The following CPVL variants were observed in gnomAD, a reference collection of about 807,000 sequenced individuals.
The protein encoded by CPVL is carboxypeptidase vitellogenic like, also known as probable serine carboxypeptidase CPVL.
CPVL carries 51 observed loss-of-function variants against 63.7 expected under a neutral mutation model. The ratio of observed to expected loss-of-function variants is 0.80; its 90% confidence interval spans 0.64 to 1.01. CPVL has a LOEUF of 1.01. CPVL is among the 50% of genes least tolerant of loss of function. The pLI is 0.00. For missense variants in CPVL, 530 were observed against 573.1 expected, an observed-to-expected ratio of 0.92 and a Z score of 0.77; for synonymous variants, 195 against 206.0, an observed-to-expected ratio of 0.95 and a Z score of 0.46.
chr7:29,054,617 T>C (rs1220607591), intron 11 of CPVL, among the ~76,000 whole-genome samples: 1 of 152,256 alleles, frequency 6.6e-6, no homozygotes, highest in African/African-American at 2.4e-5. Context: ...CACTGCTTAT[T>C]GTATATGTGC....
chr7:29,075,956 G>GTGTTT (rs1554335827), intron 7 of CPVL, among the ~76,000 whole-genome samples: 2 of 110,336 alleles, frequency 1.8e-5, no homozygotes, highest in Non-Finnish European at 3.5e-5. Context: ...TGTTGAGATA[G>GTGTTT]TTTTTTTTTT....
chr7:29,182,607 C>T (rs1262559223), intron 4 of CPVL, among the ~76,000 whole-genome samples: 5 of 152,164 alleles, frequency 3.3e-5, no homozygotes, highest in East Asian at 1.9e-4. Context: ...ATCAATTCAA[C>T]GTTCAAATAC....
chr7:29,075,793 T>C (rs1784183532), intron 7 of CPVL, among the ~76,000 whole-genome samples: 1 of 152,136 alleles, frequency 6.6e-6, no homozygotes, highest in Admixed American at 6.5e-5. Flanking sequence ...CCTTGCTTTG[T>C]GTCAGTGTGA....
intron 1 of CPVL, among the ~76,000 whole-genome samples, chr7:29,143,468 TA>T (rs1285275357): frequency 6.6e-6 from 1 of 152,108 alleles, no homozygotes. Context: ...GGGAAAAAAT[TA>T]GTTAAATGAA....
chr7:29,117,728 C>A (rs1178401459), intron 2 of CPVL, among the ~76,000 whole-genome samples: 3 of 152,136 alleles, frequency 2.0e-5, no homozygotes, highest in Non-Finnish European at 2.9e-5. Context: ...GGGAACAATG[C>A]TTATGGATTC....
chr7:29,121,699 G>T (rs368968608), intron 1 of CPVL, among the ~76,000 whole-genome samples: 2 of 152,180 alleles, frequency 1.3e-5, no homozygotes, highest in East Asian at 3.8e-4. Context: ...GGCATCATGG[G>T]TGGGTGGAAA....
chr7:29,005,887 G>A (rs1785147148), intron 12 of CPVL, among the ~76,000 whole-genome samples: 1 of 152,150 alleles, frequency 6.6e-6, no homozygotes, highest in African/African-American at 2.4e-5. Flanking sequence ...TCAATATCTA[G>A]CTTTATGATC....
At chr7:29,114,128 G>A (rs1224817876) in intron 2 of CPVL, among the ~76,000 whole-genome samples, 1 of 152,130 alleles carries the variant, frequency 6.6e-6, no homozygotes, top group South Asian at 2.1e-4. Flanking sequence ...AATAAGCCAA[G>A]GTGACAATAT....
intron 7 of CPVL, among the ~76,000 whole-genome samples, chr7:29,079,287 G>A (rs1484380599): frequency 1.3e-5 from 2 of 152,188 alleles, no homozygotes; most frequent in East Asian, 3.9e-4. Flanking sequence ...CAAGTTCAAG[G>A]TGAGAGCACC....
intron 5 of CPVL, among the ~76,000 whole-genome samples, chr7:29,159,516 A>G (rs1295526763): frequency 6.6e-6 from 1 of 152,200 alleles, no homozygotes; most frequent in African/African-American, 2.4e-5. Flanking sequence ...TTATCATGTA[A>G]CATGTATGTG....
At chr7:29,124,233 AC>A (rs1249816985) in intron 1 of CPVL, among the ~76,000 whole-genome samples, 2 of 152,122 alleles carry the variant, frequency 1.3e-5, no homozygotes. Flanking sequence ...AAACCAACAA[AC>A]CTTATACTAG....
At chr7:29,015,774 C>T (rs1404814346) in intron 12 of CPVL, among the ~76,000 whole-genome samples, 1 of 152,120 alleles carries the variant, frequency 6.6e-6, no homozygotes, top group Non-Finnish European at 1.5e-5. Flanking sequence ...TACTTAAAGA[C>T]ACTGTGGGGT....
intron 1 of CPVL, among the ~76,000 whole-genome samples, chr7:29,137,961 G>A (rs1791421645): frequency 6.6e-6 from 1 of 152,202 alleles, no homozygotes; most frequent in Admixed American, 6.5e-5. Flanking sequence ...AGGAACTACT[G>A]AAGGGCTTGA....
chr7:29,049,820 T>G (rs1789972290), intron 11 of CPVL, among the ~76,000 whole-genome samples: 1 of 152,098 alleles, frequency 6.6e-6, no homozygotes, highest in Non-Finnish European at 1.5e-5. Context: ...ATCCATCATG[T>G]GATCAAGTGG....
intron 7 of CPVL, among the ~76,000 whole-genome samples, chr7:29,078,232 T>C (rs927703137): frequency 1.3e-5 from 2 of 152,242 alleles, no homozygotes; most frequent in South Asian, 2.1e-4. Flanking sequence ...TTTTGATCTA[T>C]AGCCAATTTT....
chr7:29,071,080 C>T (rs1458326829), intron 9 of CPVL, among the ~76,000 whole-genome samples: 1 of 151,852 alleles, frequency 6.6e-6, no homozygotes, highest in Admixed American at 6.6e-5. Flanking sequence ...ATTGTTTACA[C>T]ATGGCTCTGT....
At chr7:29,002,864 T>A in intron 12 of CPVL, among the ~76,000 whole-genome samples, 8 of 76,410 alleles carry the variant, frequency 1.0e-4, no homozygotes, top group East Asian at 3.4e-4. Context: ...GGTATGAAAA[T>A]TCAAAAAAAA....
rs775490579 is a variant in CPVL, at chr7:29,071,758, G to A, written c.864+15C>T. On this transcript the variant is annotated intron_variant, in intron 9 of 12. Coordinates refer to ENST00000265394, the MANE Select transcript of CPVL (RefSeq NM_031311.5). ...TTTAATTGCTCAAGGGCAGCACAGG[G>A]CCCCCAGAACTCACTTCAAAGGCCT... 5 of 1,588,190 alleles carry A rather than the reference G, an allele frequency of 3.1e-6. No homozygotes were observed. The African/African-American group carries it at 6.8e-5, about 21-fold the overall frequency.
At chr7:29,033,572 G>C (rs1452339377) in intron 11 of CPVL, among the ~76,000 whole-genome samples, 2 of 152,220 alleles carry the variant, frequency 1.3e-5, no homozygotes, top group African/African-American at 2.4e-5. Context: ...GGACACTCTG[G>C]AGCAAACTTA....
Sources: allele counts gnomAD v4.1 joint callset (sites outside exome capture counted in the v4.1 genomes callset), GRCh38; gene constraint gnomAD v4.1.1; transcripts MANE v1.5; gene names NCBI Gene and HGNC (gene_info 2026-07-23, HGNC 2026-07-21).